RAC2: variants seen among roughly 807,000 people sequenced by gnomAD.
The protein encoded by RAC2 is ras-related C3 botulinum toxin substrate 2.
Under a neutral mutation model 24.0 loss-of-function variants are expected in RAC2, and 1 was observed. The ratio of observed to expected loss-of-function variants is 0.04; its 90% CI spans 0.01 to 0.20. The LOEUF is 0.20. RAC2 is among the 10% of genes least tolerant of loss of function. The pLI is 1.00. For missense variants in RAC2, 130 were observed against 259.1 expected, an observed-to-expected ratio of 0.50 and a Z score of 3.42; for synonymous variants, 114 against 106.8, an observed-to-expected ratio of 1.07 and a Z score of -0.41.
At chr22:37,229,719 A>G (rs1469788212) in intron 5 of RAC2, among the ~76,000 whole-genome samples, 1 of 152,230 alleles carries the variant, frequency 6.6e-6, no homozygotes, top group African/African-American at 2.4e-5. Context: ...CAGCCAGGAA[A>G]GACTGGCTAG....
chr22:37,243,951 C>T (rs991653572), intron 1 of RAC2, among the ~76,000 whole-genome samples, 163 bp downstream of exon 1: 2 of 152,164 alleles, frequency 1.3e-5, no homozygotes, highest in Non-Finnish European at 2.9e-5. Flanking sequence ...AGCCCACCCC[C>T]GGGTGCTCCC....
In RAC2 at chr22:37,244,254, G is replaced by A; in HGVS notation, c.-106C>T. 4 of 1,292,644 alleles carry A rather than the reference G, an allele frequency of 3.1e-6. No individual in the cohort carries two copies. Among genetic ancestry groups the A allele is most frequent in the Admixed American group, 3.8e-5 (2 of 51,988 alleles). 80.1% of individuals were successfully genotyped at this position (1,292,644 alleles called of 1,614,324 possible). On this transcript the variant is annotated 5_prime_UTR_variant, in exon 1 of 7. Coordinates refer to ENST00000249071, the MANE Select transcript of RAC2 (RefSeq NM_002872.5). The stretch of plus-strand genomic sequence containing the variant: ...GGTGAGGCGCCTGCTGAGGAGCAGC[G>A]GTGGTGGGGCAGGAGGAAACGGAAG...
chr22:37,238,681 A>C (rs1283781025), intron 2 of RAC2, among the ~76,000 whole-genome samples: 1 of 152,238 alleles, frequency 6.6e-6, no homozygotes, highest in African/African-American at 2.4e-5. Flanking sequence ...AACACCTAGC[A>C]CGGGGCCATC....
chr22:37,232,326 G>A, intron 3 of RAC2: 1 of 466,050 alleles, frequency 2.1e-6, no homozygotes, highest in Non-Finnish European at 4.0e-6. Flanking sequence ...CTGGTGAGGG[G>A]AGGATCTGGG....
At chr22:37,240,029 C>G (rs538649208) in intron 2 of RAC2, among the ~76,000 whole-genome samples, 2 of 152,306 alleles carry the variant, frequency 1.3e-5, no homozygotes, top group South Asian at 4.1e-4. Flanking sequence ...AGGCTCTCTG[C>G]TAGGGTTTCC....
intron 1 of RAC2, among the ~76,000 whole-genome samples, chr22:37,242,274 G>A (rs1044903546): frequency 2.6e-5 from 4 of 152,214 alleles, no homozygotes; most frequent in African/African-American, 9.6e-5. Flanking sequence ...TACCAGGTCA[G>A]GGTTTGAGTC....
chr22:37,240,678 C>T (rs1305967021), intron 2 of RAC2: 4 of 299,610 alleles, frequency 1.3e-5, no homozygotes, highest in Non-Finnish European at 2.6e-5. Flanking sequence ...TCCCTGCCCT[C>T]CACAGGCTCA....
At position 37,237,888 on chromosome 22, in the gene RAC2, C is replaced by T. The variant is rs2145828763; in HGVS notation, c.107+3699G>A. On this transcript the variant is annotated intron_variant, in intron 2 of 6. Transcript: ENST00000249071. ...AGATGAAGTCGGGCTGTCGGGGGGC[C>T]TATGAAGACAGCCAAGCAGGGTGGT... Among the ~76,000 whole-genome samples the T allele has an allele frequency of 2.0e-5, 3 of 151,710 alleles. No homozygotes were observed. The Middle Eastern group carries it at 0.01, about 516-fold the overall frequency.
chr22:37,231,599 T>C lies in RAC2; in HGVS notation c.289-209A>G. On this transcript the variant is annotated intron_variant, in intron 4 of 6. Transcript: ENST00000249071. This position sits in a 1 kb window ranked among gnomAD's most constrained non-coding sequence, Gnocchi z 5.5. Reference sequence around the variant, plus strand: ...CGTTGTGCAGGAAGGAGGGGGCGCATGATTGTAGGAAAGGAGGAGGCGAGG... The same window carrying C: ...CGTTGTGCAGGAAGGAGGGGGCGCACGATTGTAGGAAAGGAGGAGGCGAGG... The C allele has an allele frequency of 1.6e-6, 1 of 608,390 alleles. No individual in the cohort carries two copies. Among genetic ancestry groups the C allele is most frequent in the Non-Finnish European group, 2.9e-6 (1 of 343,608 alleles). 37.7% of individuals were successfully genotyped at this position (608,390 alleles called of 1,614,324 possible).
At position 37,244,260 on chromosome 22, in the gene RAC2, G is replaced by T. The variant is rs139282443; in HGVS notation, c.-112C>A. On this transcript the variant is annotated 5_prime_UTR_variant, in exon 1 of 7. Transcript: ENST00000249071. ...GCGCCTGCTGAGGAGCAGCGGTGGT[G>T]GGGCAGGAGGAAACGGAAGGGGAAC... 7.3e-6 allele frequency: 9 copies of T among 1,229,802 alleles called. No homozygotes were observed. The highest frequency in any genetic ancestry group is 1.1e-5 in the Non-Finnish European group (9 of 856,434). 76.2% of individuals were successfully genotyped at this position (1,229,802 alleles called of 1,614,324 possible).
intron 2 of RAC2, chr22:37,240,812 T>C: frequency 1.8e-6 from 1 of 563,012 alleles, no homozygotes; most frequent in South Asian, 2.2e-5. Context: ...CAGGTGGATG[T>C]GGGGAGAAAA....
chr22:37,228,824 T>C (rs1361891348), intron 5 of RAC2, among the ~76,000 whole-genome samples: 1 of 152,120 alleles, frequency 6.6e-6, no homozygotes, highest in African/African-American at 2.4e-5. Context: ...ACGAGGAGCC[T>C]GAGGCTCAGA....
chr22:37,226,384 C>T (rs891153984), intron 6 of RAC2, among the ~76,000 whole-genome samples: 5 of 152,056 alleles, frequency 3.3e-5, no homozygotes, highest in Non-Finnish European at 7.4e-5. Flanking sequence ...TTTCCATCAC[C>T]TCCTGCAGGA....
At chr22:37,239,820 C>A (rs1227188176) in intron 2 of RAC2, among the ~76,000 whole-genome samples, 1 of 152,206 alleles carries the variant, frequency 6.6e-6, no homozygotes, top group East Asian at 1.9e-4. Flanking sequence ...TGGCCTTGAG[C>A]AGGAGCTGCC....
chr22:37,226,875 TGCCATACAACCCCTTCCAC>T, intron 5 of RAC2, 72 bp from the exon 6 acceptor site: 2 of 1,575,248 alleles, frequency 1.3e-6, no homozygotes, highest in South Asian at 2.2e-5. Flanking sequence ...ATGTCTCCTA[TGCCATACAACCCCTTCCAC>T]GCCATACACC....
chr22:37,230,477 T>C (rs1215898966), intron 5 of RAC2, among the ~76,000 whole-genome samples: 1 of 152,092 alleles, frequency 6.6e-6, no homozygotes, highest in East Asian at 1.9e-4. Flanking sequence ...CCAGCAGGCC[T>C]GGGTACCATG....
chr22:37,226,434 CG>C (rs1464962958), intron 6 of RAC2, among the ~76,000 whole-genome samples: 4 of 151,968 alleles, frequency 2.6e-5, no homozygotes, highest in Non-Finnish European at 5.9e-5. Context: ...CTCCCTGGCC[CG>C]GGGGTGGGGG....
At position 37,231,356 on chromosome 22, in the gene RAC2, G is replaced by A. The variant is rs2145823533; in HGVS notation, c.323C>T (p.Thr108Ile). Residue 108 changes from threonine (T) to isoleucine (I), a missense_variant, in exon 5 of 7, where the codon ACA (threonine) becomes ATA (isoleucine). Coordinates refer to ENST00000249071, the MANE Select transcript of RAC2 (RefSeq NM_002872.5). This position sits in a 1 kb window ranked among gnomAD's most constrained non-coding sequence, Gnocchi z 5.5. ...CTTGGTGCCCACCAGGATGATGGGTGTGCTGGGGCAGTGGTGCCGCACTTC... is the reference window on the plus strand; with the variant it reads ...CTTGGTGCCCACCAGGATGATGGGTATGCTGGGGCAGTGGTGCCGCACTTC... ...FPEVRHHCPS[T>I]PIILVGTKLD... 6.2e-7 allele frequency: 1 copy of A among 1,614,188 alleles called. No individual in the cohort carries two copies. Among genetic ancestry groups the A allele is most frequent in the Non-Finnish European group, 8.5e-7 (1 of 1,180,040 alleles).
chr22:37,241,564 C>T, intron 2 of RAC2, 23 bp downstream of exon 2: 4 of 1,604,038 alleles, frequency 2.5e-6, no homozygotes, highest in Non-Finnish European at 3.4e-6. Flanking sequence ...CTCCCACCAC[C>T]CCACATATCC....
Sources: allele counts gnomAD v4.1 joint callset (sites outside exome capture counted in the v4.1 genomes callset), GRCh38; gene constraint gnomAD v4.1.1; non-coding constraint Gnocchi (gnomAD v3.1); transcripts MANE v1.5; gene names NCBI Gene and HGNC (gene_info 2026-07-23, HGNC 2026-07-21).